Variants in KCTD16 observed in about 807,000 individuals in gnomAD.
KCTD16 encodes BTB/POZ domain-containing protein KCTD16.
A neutral mutation model predicts 33.2 loss-of-function variants in KCTD16; 13 were observed. The observed-to-expected ratio is 0.39, with a 90% CI of 0.25 to 0.62. KCTD16 has a LOEUF of 0.62. KCTD16 is among the 20% of genes least tolerant of loss of function. KCTD16 has a pLI of 0.50. For missense variants in KCTD16, 441 were observed against 525.1 expected (o/e 0.84, Z 1.57); for synonymous variants, 197 against 195.3 (o/e 1.01, Z -0.07).
At chr5:144,316,303 G>A (rs1751911416) in intron 3 of KCTD16, among the ~76,000 whole-genome samples, 1 of 152,008 alleles carries the variant, frequency 6.6e-6, no homozygotes, top group South Asian at 2.1e-4. Flanking sequence ...TAGGTGAATT[G>A]GTAAAGTCAA....
At chr5:144,320,861 C>T (rs1833724) in intron 3 of KCTD16, among the ~76,000 whole-genome samples, 33,206 of 151,374 alleles carry the variant, frequency 0.22, 4,017 homozygotes, top group Non-Finnish European at 0.28. Flanking sequence ...AATGTAAATG[C>T]CAATTCTTTT....
chr5:144,431,847 G>A (rs1054448107), intron 3 of KCTD16, among the ~76,000 whole-genome samples: 1 of 152,074 alleles, frequency 6.6e-6, no homozygotes, highest in Admixed American at 6.6e-5. Context: ...AAAATTGCCT[G>A]GGCTTACAAA....
intron 3 of KCTD16, among the ~76,000 whole-genome samples, chr5:144,458,517 A>G (rs1376260261): frequency 6.6e-6 from 1 of 152,208 alleles, no homozygotes; most frequent in African/African-American, 2.4e-5. Flanking sequence ...TAGAATGTTT[A>G]CTAACTACTC....
At chr5:144,278,664 A>AT (rs1308782790) in intron 3 of KCTD16, among the ~76,000 whole-genome samples, 2 of 150,722 alleles carry the variant, frequency 1.3e-5, no homozygotes, top group African/African-American at 4.9e-5. Flanking sequence ...CGCCCGGCTA[A>AT]TTTTTTGTAT....
At chr5:144,296,386 G>A (rs553217259) in intron 3 of KCTD16, among the ~76,000 whole-genome samples, 3 of 152,290 alleles carry the variant, frequency 2.0e-5, no homozygotes, top group African/African-American at 7.2e-5. Context: ...CTAATTAGAG[G>A]TAGGCATGTT....
At chr5:144,372,730 A>G (rs1002610923) in intron 3 of KCTD16, among the ~76,000 whole-genome samples, 1 of 152,170 alleles carries the variant, frequency 6.6e-6, no homozygotes, top group Non-Finnish European at 1.5e-5. Flanking sequence ...TGTGATTATA[A>G]CAGTTGAATG....
chr5:144,265,833 C>T (rs1755127707), intron 3 of KCTD16, among the ~76,000 whole-genome samples: 1 of 152,066 alleles, frequency 6.6e-6, no homozygotes, highest in South Asian at 2.1e-4. Context: ...AAAACAAGCT[C>T]AGAAATATTA....
chr5:144,391,975 A>C (rs1187900151), intron 3 of KCTD16, among the ~76,000 whole-genome samples: 1 of 152,214 alleles, frequency 6.6e-6, no homozygotes, highest in Non-Finnish European at 1.5e-5. Context: ...GGTGGGGAAA[A>C]AACCATTATT....
At chr5:144,418,836 T>C (rs1393239106) in intron 3 of KCTD16, among the ~76,000 whole-genome samples, 1 of 152,126 alleles carries the variant, frequency 6.6e-6, no homozygotes, top group Admixed American at 6.6e-5. Flanking sequence ...TGTATCACAG[T>C]CCCACAGAAT....
chr5:144,446,710 G>GA lies in KCTD16; in HGVS notation c.833-26943dup, dbSNP rs1303338764. 5.3e-5 allele frequency among the ~76,000 whole-genome samples: 8 copies of GA among 151,870 alleles called. No individual in the cohort carries two copies. In the South Asian group the frequency reaches 8.3e-4, roughly 16 times the overall value. ...ACAAGGAACTTAAAGACATTTACAA[G>GA]AAAAAAACAAACAACCCCATCAAAA... is the stretch of plus-strand genomic sequence containing the variant. On this transcript the variant is annotated intron_variant, in intron 3 of 3. Coordinates refer to ENST00000512467, the MANE Select transcript of KCTD16 (RefSeq NM_020768.4).
chr5:144,250,216 A>C (rs137870708), intron 3 of KCTD16, among the ~76,000 whole-genome samples: 1 of 152,174 alleles, frequency 6.6e-6, no homozygotes, highest in African/African-American at 2.4e-5. Flanking sequence ...CACTTTCTAC[A>C]GTACTCATTG....
chr5:144,173,440 T>G (rs1260087528), intron 1 of KCTD16, among the ~76,000 whole-genome samples: 1 of 151,996 alleles, frequency 6.6e-6, no homozygotes, highest in African/African-American at 2.4e-5. Context: ...TGAGAACACA[T>G]GGACACATAG....
At chr5:144,418,466 A>G (rs866314874) in intron 3 of KCTD16, among the ~76,000 whole-genome samples, 24 of 152,154 alleles carry the variant, frequency 1.6e-4, no homozygotes, top group African/African-American at 5.8e-4. Flanking sequence ...AACCTTTAGC[A>G]AGACACAGAG....
Position 144,245,346 on chromosome 5 carries a change from G to A in KCTD16, c.832+37800G>A, listed in dbSNP as rs143516930. On this transcript the variant is annotated intron_variant, in intron 3 of 3. Coordinates refer to ENST00000512467, the MANE Select transcript of KCTD16 (RefSeq NM_020768.4). ...GGGAATAGAGGGTTTAACCTCATCA[G>A]AGAAGTCAAGGAAAACATCCGCAAG... Among the ~76,000 whole-genome samples the A allele has an allele frequency of 4.0e-3, 608 of 152,296 alleles. 7 individuals carry two copies. Among genetic ancestry groups the A allele is most frequent in the African/African-American group, 0.014 (592 of 41,564 alleles).
At chr5:144,375,180 G>T (rs903627349) in intron 3 of KCTD16, among the ~76,000 whole-genome samples, 4 of 152,182 alleles carry the variant, frequency 2.6e-5, no homozygotes, top group Admixed American at 6.5e-5. Flanking sequence ...AGCTCTTTGA[G>T]AAGAGACATA....
intron 3 of KCTD16, among the ~76,000 whole-genome samples, chr5:144,220,488 C>T (rs1291905503): frequency 6.6e-6 from 1 of 152,092 alleles, no homozygotes. Flanking sequence ...TCTCTATTCT[C>T]CCCACCTCAT....
chr5:144,287,007 A>G (rs1034112308), intron 3 of KCTD16, among the ~76,000 whole-genome samples: 14 of 152,378 alleles, frequency 9.2e-5, no homozygotes, highest in African/African-American at 2.4e-4. Flanking sequence ...AGCAAATATT[A>G]TCCAAGACAG....
At chr5:144,217,244 T>TA (rs1208106108) in intron 3 of KCTD16, among the ~76,000 whole-genome samples, 1 of 152,182 alleles carries the variant, frequency 6.6e-6, no homozygotes, top group African/African-American at 2.4e-5. Context: ...GACATTTTCC[T>TA]ATGGGCATAT....
intron 3 of KCTD16, among the ~76,000 whole-genome samples, chr5:144,323,701 C>T (rs1165348440): frequency 2.0e-5 from 3 of 152,082 alleles, no homozygotes; most frequent in Non-Finnish European, 2.9e-5. Flanking sequence ...TAATTCTGCT[C>T]CCCATAGTTG....
Sources: allele counts gnomAD v4.1 joint callset (sites outside exome capture counted in the v4.1 genomes callset), GRCh38; gene constraint gnomAD v4.1.1; transcripts MANE v1.5; gene names NCBI Gene and HGNC (gene_info 2026-07-23, HGNC 2026-07-21).